Variants in HYAL4 observed in about 807,000 individuals in gnomAD.
The protein encoded by HYAL4 is hyaluronidase-4.
HYAL4 carries 37 observed loss-of-function variants against 35.2 expected under a neutral mutation model. The ratio of observed to expected loss-of-function variants is 1.05; its 90% CI spans 0.81 to 1.38. The LOEUF is 1.38. Ranked by LOEUF, HYAL4 falls within the 40% of genes most tolerant of loss-of-function variation. The pLI is 0.00. For synonymous variants in HYAL4, 198 were observed against 203.2 expected, an observed-to-expected ratio of 0.97 and a Z score of 0.22; for missense variants, 572 against 572.4, an observed-to-expected ratio of 1.00 and a Z score of 0.01.
At chr7:123,826,327 C>G (rs879623297), upstream of HYAL4, among the ~76,000 whole-genome samples, 1 of 151,944 alleles carries the variant, frequency 6.6e-6, no homozygotes, top group African/African-American at 2.4e-5. Flanking sequence ...GTTGGGGGAA[C>G]AGGAAGCATG....
chr7:123,840,853 G>A (rs1156619286), upstream of HYAL4, among the ~76,000 whole-genome samples: 1 of 152,028 alleles, frequency 6.6e-6, no homozygotes, highest in Non-Finnish European at 1.5e-5. Flanking sequence ...CTGAGACCTT[G>A]CTGAAGTTGC....
the HYAL4 span, among the ~76,000 whole-genome samples, chr7:123,805,997 A>G: frequency 6.6e-6 from 1 of 152,182 alleles, no homozygotes; most frequent in African/African-American, 2.4e-5. Context: ...TCCGTCCGAA[A>G]AAATAAATAA....
chr7:123,849,000 A>G (rs897592315), intron 2 of HYAL4, among the ~76,000 whole-genome samples: 1 of 152,214 alleles, frequency 6.6e-6, no homozygotes, highest in Non-Finnish European at 1.5e-5. Context: ...ACATATACAT[A>G]TATGTACATA....
the HYAL4 span, among the ~76,000 whole-genome samples, chr7:123,800,682 A>C: frequency 6.6e-6 from 1 of 151,016 alleles, no homozygotes. Flanking sequence ...TTTTAGACGC[A>C]GTCTAGCTCT....
At chr7:123,875,529 T>A (rs1262836776) in intron 4 of HYAL4, among the ~76,000 whole-genome samples, 1 of 151,836 alleles carries the variant, frequency 6.6e-6, no homozygotes, top group Non-Finnish European at 1.5e-5. Flanking sequence ...TGATGACACA[T>A]GCCTGTAATC....
rs1265880342 is a variant in HYAL4, at chr7:123,876,958, G to A, written c.1249G>A (p.Val417Met). The change falls in exon 5 of 5, where the codon GTG (valine) becomes ATG (methionine). Residue 417 changes from valine (V) to methionine (M), a missense_variant. By Grantham distance (21) the Val-to-Met change is conservative. Transcript: ENST00000223026. ...GGCCTCTGAGGACGGGGAGTTTACT[G>A]TGAAAGGAAAAGCATCTGATACAGA... Reference protein sequence around the residue: ...IEASEDGEFTVKGKASDTDLA... With the variant: ...IEASEDGEFTMKGKASDTDLA... The A allele has an allele frequency of 6.2e-7, 1 of 1,614,186 alleles. No individual in the cohort carries two copies. Among genetic ancestry groups the A allele is most frequent in the East Asian group, 2.2e-5 (1 of 44,876 alleles).
intron 2 of HYAL4, among the ~76,000 whole-genome samples, chr7:123,852,674 G>A (rs1346562152): frequency 1.3e-5 from 2 of 152,110 alleles, no homozygotes; most frequent in Non-Finnish European, 2.9e-5. Context: ...GTAGTGTGAT[G>A]CCTCCAGCTT....
chr7:123,765,782 A>T, the HYAL4 span, among the ~76,000 whole-genome samples: 2 of 152,132 alleles, frequency 1.3e-5, no homozygotes, highest in African/African-American at 4.8e-5. Flanking sequence ...AACCAAGGCT[A>T]TGACTGAAAC....
chr7:123,786,873 T>C, the HYAL4 span, among the ~76,000 whole-genome samples: 9,999 of 152,030 alleles, frequency 0.066, 414 homozygotes, highest in East Asian at 0.11. Flanking sequence ...TTTGAGAAGC[T>C]GAGGCGGGCA....
At chr7:123,825,032 C>G (rs1048659633), upstream of HYAL4, among the ~76,000 whole-genome samples, 3 of 152,098 alleles carry the variant, frequency 2.0e-5, no homozygotes, top group African/African-American at 7.2e-5. Context: ...TTTATATATG[C>G]TGGAGATGGG....
At chr7:123,822,747 C>T in the HYAL4 span, among the ~76,000 whole-genome samples, 1 of 152,060 alleles carries the variant, frequency 6.6e-6, no homozygotes, top group African/African-American at 2.4e-5. Context: ...TTGCTTGAGG[C>T]CAGGAGTTCA....
intron 2 of HYAL4, among the ~76,000 whole-genome samples, chr7:123,852,023 C>A (rs901646048): frequency 1.3e-5 from 2 of 151,998 alleles, no homozygotes; most frequent in Non-Finnish European, 2.9e-5. Context: ...CTTTGTTGGC[C>A]ACATAAATGT....
chr7:123,821,663 C>T, the HYAL4 span, among the ~76,000 whole-genome samples: 2 of 152,158 alleles, frequency 1.3e-5, no homozygotes, highest in African/African-American at 2.4e-5. Flanking sequence ...TCCCATTTGT[C>T]CATGTTTCTT....
chr7:123,818,927 TTTTTA>T, the HYAL4 span, among the ~76,000 whole-genome samples: 1 of 151,124 alleles, frequency 6.6e-6, no homozygotes, highest in Non-Finnish European at 1.5e-5. Context: ...CTCACAGTTA[TTTTTA>T]TTTTAAGAAC....
the HYAL4 span, among the ~76,000 whole-genome samples, chr7:123,775,411 A>G: frequency 1.3e-5 from 2 of 152,220 alleles, no homozygotes; most frequent in East Asian, 3.8e-4. Flanking sequence ...ACTGGGAGAC[A>G]GAGCCAGATC....
At chr7:123,784,977 T>C in the HYAL4 span, among the ~76,000 whole-genome samples, 1 of 152,214 alleles carries the variant, frequency 6.6e-6, no homozygotes, top group Non-Finnish European at 1.5e-5. Flanking sequence ...AGAGAAGTGG[T>C]GTTTTTCTGA....
At chr7:123,865,504 G>A (rs940880112) in intron 2 of HYAL4, among the ~76,000 whole-genome samples, 2 of 151,972 alleles carry the variant, frequency 1.3e-5, no homozygotes, top group East Asian at 3.9e-4. Flanking sequence ...TACTAAGTGG[G>A]GTAATCTTAT....
At chr7:123,808,787 A>G in the HYAL4 span, among the ~76,000 whole-genome samples, 2 of 152,156 alleles carry the variant, frequency 1.3e-5, no homozygotes, top group Non-Finnish European at 2.9e-5. Flanking sequence ...CAAGGTCCCA[A>G]TAGATTTGGT....
the HYAL4 span, among the ~76,000 whole-genome samples, chr7:123,778,618 G>A: frequency 1.3e-5 from 2 of 151,736 alleles, no homozygotes; most frequent in Non-Finnish European, 2.9e-5. Flanking sequence ...GAATCTTTTG[G>A]CAGGAGCACA....
Sources: gnomAD v4.1 joint callset for allele counts (sites outside exome capture counted in the v4.1 genomes callset) on GRCh38, gnomAD v4.1.1 for gene constraint, MANE v1.5 for transcripts, NCBI Gene and HGNC (gene_info 2026-07-23, HGNC 2026-07-21) for gene names.